The following SLC2A11 variants were observed in gnomAD, a reference collection of about 807,000 sequenced individuals.
The protein encoded by SLC2A11 is solute carrier family 2 member 11.
SLC2A11 carries 43 observed loss-of-function variants against 52.1 expected under a neutral mutation model. The ratio of observed to expected loss-of-function variants is 0.82; its 90% CI spans 0.65 to 1.06. The LOEUF is 1.06. Among genes scored for constraint, SLC2A11 ranks in the 50% least tolerant of loss-of-function variants. The pLI is 0.00. For missense variants in SLC2A11, 582 were observed against 654.2 expected (o/e 0.89, Z 1.20); for synonymous variants, 261 against 277.6 (o/e 0.94, Z 0.59).
At chr22:23,882,735 G>T (rs2032865491) in intron 7 of SLC2A11, 24 bp from the exon 8 acceptor site, 2 of 1,608,054 alleles carry the variant, frequency 1.2e-6, no homozygotes, top group African/African-American at 2.7e-5. Context: ...AGGGAGCCCA[G>T]GCCTGAAAGC....
At chr22:23,876,979 T>C in intron 4 of SLC2A11, 63 bp from the exon 5 acceptor site, 1 of 1,611,380 alleles carries the variant, frequency 6.2e-7, no homozygotes, top group Non-Finnish European at 8.5e-7. Context: ...GGAGACAGGC[T>C]GGGTGTCGTG....
At chr22:23,862,922 C>G (rs965923693) in intron 2 of SLC2A11, among the ~76,000 whole-genome samples, 3 of 152,126 alleles carry the variant, frequency 2.0e-5, no homozygotes, top group African/African-American at 7.2e-5. Flanking sequence ...CGTGCCCGGT[C>G]TCATCAATGT....
intron 3 of SLC2A11, chr22:23,871,603 A>C (rs1000011946): frequency 1.3e-5 from 2 of 150,684 alleles, no homozygotes; most frequent in Non-Finnish European, 3.0e-5. Context: ...TTAGCCGGGC[A>C]TGGTGGCGGG....
intron 2 of SLC2A11, among the ~76,000 whole-genome samples, chr22:23,862,958 T>G (rs753995870): frequency 3.1e-4 from 47 of 152,272 alleles, no homozygotes; most frequent in Non-Finnish European, 4.7e-4. Flanking sequence ...CAGTGGAGAT[T>G]AAGTTTCCGT....
At chr22:23,857,032 T>C, upstream of SLC2A11, 2 of 1,273,576 alleles carry the variant, frequency 1.6e-6, no homozygotes, top group Middle Eastern at 2.2e-4. Context: ...TCCCGTCCTC[T>C]GGGGAAAGGT....
At chr22:23,856,948 C>T (rs1568979752), upstream of SLC2A11, 4 of 1,609,970 alleles carry the variant, frequency 2.5e-6, no homozygotes, top group Non-Finnish European at 3.4e-6. Flanking sequence ...CGCCAAGTCT[C>T]TCGCTCTGCC....
At chr22:23,876,855 G>C (rs1177742805) in intron 4 of SLC2A11, among the ~76,000 whole-genome samples, 187 bp from the exon 5 acceptor site, 2 of 152,150 alleles carry the variant, frequency 1.3e-5, no homozygotes, top group Non-Finnish European at 2.9e-5. Context: ...AGTAGAGTTG[G>C]GATCCTGTTG....
intron 2 of SLC2A11, among the ~76,000 whole-genome samples, chr22:23,864,834 G>A (rs917083721): frequency 1.3e-5 from 2 of 152,000 alleles, no homozygotes; most frequent in African/African-American, 2.4e-5. Context: ...CAGGCTGGGC[G>A]TGGTGGCTCA....
At chr22:23,870,292 G>T (rs1039605100) in intron 3 of SLC2A11, 2 of 509,578 alleles carry the variant, frequency 3.9e-6, no homozygotes, top group African/African-American at 4.0e-5. Flanking sequence ...TAGCATGTAT[G>T]CCTATTGTAA....
intron 6 of SLC2A11, 70 bp from the exon 7 acceptor site, chr22:23,882,389 G>A (rs2146144066): frequency 7.5e-6 from 10 of 1,337,386 alleles, no homozygotes; most frequent in Non-Finnish European, 1.0e-5. Flanking sequence ...GGATGGAGGG[G>A]GGCGTCCCTG....
Position 23,863,595 on chromosome 22 carries a change from T to TTC in SLC2A11, c.129+1403_129+1404dup, listed in dbSNP as rs1356212486. Among the ~76,000 whole-genome samples the TTC allele has an allele frequency of 3.7e-4, 56 of 149,848 alleles. 1 individual carries two copies. The South Asian group carries it at 5.9e-3, about 16-fold the overall frequency. On this transcript the variant is annotated intron_variant, in intron 2 of 11. Coordinates refer to ENST00000316185, the MANE Select transcript of SLC2A11 (RefSeq NM_001024939.4). ...ACTGTGGCTGTCCTGCCCCTGTTTT[T>TTC]TCTCTCTCTCTGGTTTTTTTTTTTT...
chr22:23,882,523 C>T lies in SLC2A11; in HGVS notation c.759C>T (p.Arg253=), dbSNP rs753009688. 1.0e-4 allele frequency: 160 copies of T among 1,595,116 alleles called. 1 individual carries two copies. Among genetic ancestry groups the T allele is most frequent in the South Asian group, 2.0e-4 (18 of 88,738 alleles). ...AGELEELEEE[R]AACQGCRARR... is the part of the protein sequence containing the mutation. ...AGCTGGAGGAGCTGGAGGAGGAGCG[C>T]GCTGCCTGCCAGGGCTGCCGTGCCC... Residue 253 remains arginine, a synonymous_variant, in exon 7 of 12, where the codon CGC becomes CGT. Transcript: ENST00000316185.
intron 1 of SLC2A11, chr22:23,858,251 C>T: frequency 1.4e-6 from 1 of 715,010 alleles, no homozygotes; most frequent in Non-Finnish European, 2.5e-6. Context: ...GTTGCTGGAC[C>T]CTGGCATCCC....
rs764809396 is a variant in SLC2A11 at position 23,877,188 on chromosome 22, C to A, written c.545+17C>A. ...CGGACTCAGGTAAGCACCCCTCCCC[C>A]ACATGCATTGAGTATTTCGGAGATA... On this transcript the variant is annotated intron_variant, in intron 5 of 11. Transcript: ENST00000316185. The A allele has an allele frequency of 3.1e-6, 5 of 1,601,182 alleles. No individual in the cohort carries two copies. The highest frequency in any genetic ancestry group is 1.1e-5 in the South Asian group (1 of 89,514).
chr22:23,860,848 ATT>A (rs150669541), intron 1 of SLC2A11, among the ~76,000 whole-genome samples: 97,934 of 131,172 alleles, frequency 0.75, 36,535 homozygotes, highest in Middle Eastern at 0.87. Flanking sequence ...CGCCCAGCTA[ATT>A]TTTTTTTTTT....
intron 3 of SLC2A11, among the ~76,000 whole-genome samples, chr22:23,874,633 G>C (rs954627803): frequency 6.6e-6 from 1 of 151,498 alleles, no homozygotes; most frequent in African/African-American, 2.4e-5. Flanking sequence ...ATTTTTTTTA[G>C]TAGAGACAGG....
intron 1 of SLC2A11, 67 bp downstream of exon 1, chr22:23,858,096 C>T: frequency 6.5e-7 from 1 of 1,547,158 alleles, no homozygotes; most frequent in Non-Finnish European, 8.8e-7. Context: ...GAGTGAACTG[C>T]GCAGGTGCAG....
intron 4 of SLC2A11, 95 bp from the exon 5 acceptor site, chr22:23,876,947 G>A (rs780166354): frequency 2.5e-6 from 4 of 1,591,278 alleles, no homozygotes; most frequent in Admixed American, 3.4e-5. Flanking sequence ...TTGAGTGGCT[G>A]GACAGTGCTG....
At chr22:23,856,943 A>C (rs775378158), upstream of SLC2A11, 14 of 1,608,646 alleles carry the variant, frequency 8.7e-6, no homozygotes, top group South Asian at 1.3e-4. Context: ...CATTCCGCCA[A>C]GTCTCTCGCT....
Sources: allele counts gnomAD v4.1 joint callset (sites outside exome capture counted in the v4.1 genomes callset), GRCh38; gene constraint gnomAD v4.1.1; transcripts MANE v1.5; gene names NCBI Gene and HGNC (gene_info 2026-07-23, HGNC 2026-07-21).